Variants in STAC observed in about 807,000 individuals in gnomAD.
STAC encodes SH3 and cysteine rich domain, also known as SH3 and cysteine-rich domain-containing protein.
In STAC, 43 loss-of-function variants were observed where a neutral mutation model predicts 48.8. That is an observed-to-expected ratio of 0.88 (90% CI 0.69 to 1.14). The LOEUF is 1.14. STAC is among the 50% of genes most tolerant of loss of function. The pLI, the probability that STAC is intolerant of heterozygous loss-of-function variation, is 0.00. For missense variants in STAC, 497 were observed against 504.0 expected, an observed-to-expected ratio of 0.99 and a Z score of 0.13; for synonymous variants, 193 against 179.5, an observed-to-expected ratio of 1.07 and a Z score of -0.60.
chr3:36,464,454 T>A (rs1167733489), intron 2 of STAC, among the ~76,000 whole-genome samples: 1 of 152,140 alleles, frequency 6.6e-6, no homozygotes, highest in Non-Finnish European at 1.5e-5. Flanking sequence ...TATTTTTTTA[T>A]TTCAATAGAT....
At chr3:36,412,443 T>TA (rs1700217230) in intron 1 of STAC, among the ~76,000 whole-genome samples, 1 of 151,520 alleles carries the variant, frequency 6.6e-6, no homozygotes, top group African/African-American at 2.4e-5. Context: ...GTTTTTTTTT[T>TA]AAAGGGAAAG....
intron 4 of STAC, among the ~76,000 whole-genome samples, chr3:36,485,523 T>C (rs1047034647): frequency 1.3e-5 from 2 of 152,256 alleles, no homozygotes; most frequent in Non-Finnish European, 2.9e-5. Context: ...GCTCAGTGAA[T>C]ATATTATTCT....
At chr3:36,431,866 C>T (rs1482374541) in intron 1 of STAC, among the ~76,000 whole-genome samples, 1 of 152,146 alleles carries the variant, frequency 6.6e-6, no homozygotes, top group Non-Finnish European at 1.5e-5. Flanking sequence ...TCAGATCTTA[C>T]ATCTGCAAAC....
At chr3:36,458,868 C>G (rs1349263553) in intron 2 of STAC, among the ~76,000 whole-genome samples, 2 of 152,292 alleles carry the variant, frequency 1.3e-5, no homozygotes, top group African/African-American at 4.8e-5. Flanking sequence ...TAGTGAGTAT[C>G]TAAGTCACCC....
rs151240818 is a variant in STAC, at chr3:36,543,089, T to C, written c.1111-3102T>C. Among the ~76,000 whole-genome samples the C allele has an allele frequency of 4.6e-5, 7 of 152,274 alleles. No homozygotes were observed. The South Asian group carries it at 8.3e-4, about 18-fold the overall frequency. On this transcript the variant is annotated intron_variant, in intron 10 of 10. Coordinates refer to ENST00000273183, the MANE Select transcript of STAC (RefSeq NM_003149.3). ...GGACTTAGGACTTTCAGTGCTAATATTGAGAATGTCCTGAGCAAACCGAGA... is the reference window on the plus strand; with the variant it reads ...GGACTTAGGACTTTCAGTGCTAATACTGAGAATGTCCTGAGCAAACCGAGA...
chr3:36,488,399 C>T (rs1380847986), intron 5 of STAC, among the ~76,000 whole-genome samples: 2 of 152,184 alleles, frequency 1.3e-5, no homozygotes, highest in East Asian at 1.9e-4. Flanking sequence ...CTGACTTACT[C>T]GAGGGTAACT....
At chr3:36,501,673 A>G (rs2125711554) in intron 6 of STAC, among the ~76,000 whole-genome samples, 1 of 152,312 alleles carries the variant, frequency 6.6e-6, no homozygotes, top group South Asian at 2.1e-4. Context: ...CACAATGACA[A>G]TACTAGGCCT....
intron 1 of STAC, among the ~76,000 whole-genome samples, chr3:36,382,159 T>C (rs939456864): frequency 1.6e-4 from 24 of 152,254 alleles, no homozygotes; most frequent in Admixed American, 1.0e-3. Context: ...AAAAAGTTTC[T>C]GGGTATCATT....
chr3:36,521,780 T>A (rs139175132), intron 8 of STAC, among the ~76,000 whole-genome samples: 1 of 152,170 alleles, frequency 6.6e-6, no homozygotes, highest in South Asian at 2.1e-4. Flanking sequence ...CCCTACTGTA[T>A]ATCAATCACA....
intron 8 of STAC, among the ~76,000 whole-genome samples, chr3:36,513,313 A>T (rs548798229): frequency 1.3e-5 from 2 of 152,286 alleles, no homozygotes; most frequent in South Asian, 4.1e-4. Context: ...GCCCCTTAGG[A>T]TGAAAGATGT....
At position 36,453,768 on chromosome 3, in the gene STAC, AGTCTGGTGGG is replaced by A. The variant is rs1187795938; in HGVS notation, c.388+10130_388+10139del. On this transcript the variant is annotated intron_variant, in intron 2 of 10. Coordinates refer to ENST00000273183, the MANE Select transcript of STAC (RefSeq NM_003149.3). ...CTGGGTGAAGCCAGCTGGGCTCCTG[AGTCTGGTGGG>A]GACGTGGAGAACCTTTATGTCTGGC... is the stretch of plus-strand genomic sequence containing the variant. Among the ~76,000 whole-genome samples the A allele has an allele frequency of 4.1e-3, 115 of 27,772 alleles. 51 individuals carry two copies. The highest frequency in any genetic ancestry group is 0.029 in the Middle Eastern group (2 of 70). 18.2% of individuals were successfully genotyped at this position (27,772 alleles called of 152,430 possible). A position where few individuals can be genotyped will look rare whatever the true frequency, so the allele number is the denominator to read the frequency against.
intron 1 of STAC, among the ~76,000 whole-genome samples, chr3:36,381,985 G>A (rs945639049): frequency 9.8e-5 from 15 of 152,296 alleles, no homozygotes; most frequent in Non-Finnish European, 1.9e-4. Flanking sequence ...GAGACATTGT[G>A]AGGAGTACAT....
chr3:36,416,690 A>T (rs1700328162), intron 1 of STAC, among the ~76,000 whole-genome samples: 1 of 152,068 alleles, frequency 6.6e-6, no homozygotes, highest in Non-Finnish European at 1.5e-5. Flanking sequence ...TGTATTATGC[A>T]TATATTAAGT....
At chr3:36,402,072 C>CT (rs1313496387) in intron 1 of STAC, among the ~76,000 whole-genome samples, 1 of 152,194 alleles carries the variant, frequency 6.6e-6, no homozygotes, top group Non-Finnish European at 1.5e-5. Flanking sequence ...ATTTCTGACT[C>CT]TAAGTCCCTG....
At chr3:36,417,649 G>C (rs1243368690) in intron 1 of STAC, among the ~76,000 whole-genome samples, 1 of 152,124 alleles carries the variant, frequency 6.6e-6, no homozygotes, top group Non-Finnish European at 1.5e-5. Flanking sequence ...AAATTGGTTT[G>C]TAGAATGTGG....
At chr3:36,504,980 C>A (rs1269862947) in intron 7 of STAC, among the ~76,000 whole-genome samples, 1 of 151,852 alleles carries the variant, frequency 6.6e-6, no homozygotes. Flanking sequence ...TATTATAAAG[C>A]ATAAATGTTT....
chr3:36,461,641 G>T (rs1697020218), intron 2 of STAC, among the ~76,000 whole-genome samples: 1 of 152,170 alleles, frequency 6.6e-6, no homozygotes, highest in African/African-American at 2.4e-5. Flanking sequence ...GGGGCAGGTT[G>T]CAGTATCACA....
chr3:36,528,400 C>G (rs1190914962), intron 8 of STAC, among the ~76,000 whole-genome samples: 3 of 150,786 alleles, frequency 2.0e-5, no homozygotes, highest in Non-Finnish European at 4.4e-5. Flanking sequence ...ACCAGCGAGT[C>G]AGAGGTTGCA....
intron 5 of STAC, among the ~76,000 whole-genome samples, chr3:36,492,032 ATATATAT>A (rs1467074665): frequency 2.0e-3 from 21 of 10,520 alleles, no homozygotes; most frequent in East Asian, 3.9e-3. Flanking sequence ...AAAAAAAAAA[ATATATAT>A]ATATATATAT....
Sources: allele counts gnomAD v4.1 joint callset (sites outside exome capture counted in the v4.1 genomes callset), GRCh38; gene constraint gnomAD v4.1.1; transcripts MANE v1.5; gene names NCBI Gene and HGNC (gene_info 2026-07-23, HGNC 2026-07-21).